RANBP2: variants seen among roughly 807,000 people sequenced by gnomAD.
The protein encoded by RANBP2 is RAN binding protein 2.
RANBP2 carries 57 observed loss-of-function variants against 303.6 expected under a neutral mutation model. The observed-to-expected ratio is 0.19, with a 90% CI of 0.15 to 0.23. The LOEUF (loss-of-function observed/expected upper bound fraction) is 0.23, where lower values mean the gene tolerates loss of function less well. Ranked by LOEUF, RANBP2 falls within the 10% of genes least tolerant of loss-of-function variation. RANBP2 has a pLI of 1.00. For synonymous variants in RANBP2, 1,167 were observed against 1,301.5 expected (o/e 0.90, Z 2.23); for missense variants, 3,138 against 3,780.8 (o/e 0.83, Z 4.46).
chr2:108,825,491 G>T, the RANBP2 span, among the ~76,000 whole-genome samples: 1 of 151,596 alleles, frequency 6.6e-6, no homozygotes, highest in East Asian at 1.9e-4. Flanking sequence ...TCCAGTCCTA[G>T]GCAACCACTA....
the RANBP2 span, among the ~76,000 whole-genome samples, chr2:109,644,267 A>C: frequency 6.6e-6 from 1 of 151,858 alleles, no homozygotes; most frequent in Non-Finnish European, 1.5e-5. Flanking sequence ...ACATCACGCC[A>C]CTGCACTCCA....
chr2:109,206,785 C>T, the RANBP2 span, among the ~76,000 whole-genome samples: 1 of 152,214 alleles, frequency 6.6e-6, no homozygotes, highest in Non-Finnish European at 1.5e-5. Context: ...CACTGCACTC[C>T]AGCCTGGGTG....
the RANBP2 span, among the ~76,000 whole-genome samples, chr2:109,286,514 A>G: frequency 8.6e-4 from 131 of 152,316 alleles, no homozygotes; most frequent in African/African-American, 3.1e-3. Context: ...ACCTGGGTGC[A>G]GAAGACCAAG....
At chr2:109,126,267 T>C in the RANBP2 span, among the ~76,000 whole-genome samples, 2 of 152,142 alleles carry the variant, frequency 1.3e-5, no homozygotes, top group African/African-American at 2.4e-5. Flanking sequence ...AGGGGTAAAG[T>C]GGAGAGAGAA....
the RANBP2 span, among the ~76,000 whole-genome samples, chr2:109,163,367 T>C: frequency 1.3e-5 from 2 of 148,836 alleles, no homozygotes; most frequent in African/African-American, 5.0e-5. Flanking sequence ...GAGTTCTCAA[T>C]AGATTAACCA....
the RANBP2 span, among the ~76,000 whole-genome samples, chr2:109,696,618 G>A: frequency 3.9e-5 from 6 of 152,052 alleles, no homozygotes; most frequent in South Asian, 6.2e-4. Context: ...AACTTGGTTT[G>A]GCTATTTTAG....
the RANBP2 span, among the ~76,000 whole-genome samples, chr2:109,072,946 T>C: frequency 1.3e-5 from 2 of 151,978 alleles, no homozygotes; most frequent in African/African-American, 2.4e-5. Flanking sequence ...CTGACTGGGC[T>C]GTGAGGAGGC....
the RANBP2 span, among the ~76,000 whole-genome samples, chr2:109,697,669 T>A: frequency 6.6e-6 from 1 of 152,192 alleles, no homozygotes; most frequent in African/African-American, 2.4e-5. Context: ...AATCATGCCA[T>A]CTGCAAATTA....
At chr2:109,371,797 A>G in the RANBP2 span, 1 of 846,390 alleles carries the variant, frequency 1.2e-6, no homozygotes, top group Non-Finnish European at 1.9e-6. Context: ...ATCCTCCACA[A>G]TAGCCTCTGG....
the RANBP2 span, among the ~76,000 whole-genome samples, chr2:109,195,505 T>G: frequency 2.0e-5 from 3 of 152,234 alleles, no homozygotes; most frequent in African/African-American, 4.8e-5. Flanking sequence ...GGCTTTATTT[T>G]GGAAACCTAC....
At chr2:108,897,992 G>GA in the RANBP2 span, among the ~76,000 whole-genome samples, 2 of 152,104 alleles carry the variant, frequency 1.3e-5, no homozygotes, top group African/African-American at 4.8e-5. Context: ...ACATGGGGCA[G>GA]AAAAGTCCAA....
At chr2:109,233,297 G>T in the RANBP2 span, among the ~76,000 whole-genome samples, 1 of 152,212 alleles carries the variant, frequency 6.6e-6, no homozygotes, top group African/African-American at 2.4e-5. Context: ...AGTGATGGAG[G>T]TGGCTCTCAG....
chr2:108,727,436 G>C (rs186668233), intron 1 of RANBP2, among the ~76,000 whole-genome samples: 3 of 152,022 alleles, frequency 2.0e-5, no homozygotes, highest in Non-Finnish European at 2.9e-5. Context: ...CATTAAATTT[G>C]TGGGTGGAGG....
the RANBP2 span, among the ~76,000 whole-genome samples, chr2:108,955,842 C>T: frequency 4.1e-4 from 62 of 152,190 alleles, no homozygotes; most frequent in Admixed American, 3.3e-4. Context: ...CTGGCTAACA[C>T]GGCGAAATAC....
chr2:109,130,033 G>C, the RANBP2 span: 3 of 1,352,752 alleles, frequency 2.2e-6, no homozygotes, highest in East Asian at 9.2e-5. Context: ...GGGTTCCCCG[G>C]TTTTCCTCTC....
At chr2:108,897,110 C>T in the RANBP2 span, 31 of 1,613,918 alleles carry the variant, frequency 1.9e-5, no homozygotes, top group Admixed American at 1.3e-4. Context: ...CTCTTCAGGC[C>T]GAAGCTCTCG....
chr2:109,049,849 G>A, the RANBP2 span, among the ~76,000 whole-genome samples: 2 of 152,118 alleles, frequency 1.3e-5, no homozygotes, highest in African/African-American at 4.8e-5. Flanking sequence ...TCCCGTTCGG[G>A]GCTATTCTTC....
chr2:109,659,702 G>A, the RANBP2 span, among the ~76,000 whole-genome samples: 2 of 152,218 alleles, frequency 1.3e-5, no homozygotes, highest in African/African-American at 4.8e-5. Flanking sequence ...TCAGCGGGGG[G>A]CTCCAGATGA....
chr2:109,151,471 T>A, the RANBP2 span, among the ~76,000 whole-genome samples: 1 of 152,252 alleles, frequency 6.6e-6, no homozygotes, highest in Non-Finnish European at 1.5e-5. Context: ...ATATTTAATT[T>A]AAAAATTTCT....
Sources: gnomAD v4.1 joint callset for allele counts (sites outside exome capture counted in the v4.1 genomes callset) on GRCh38, gnomAD v4.1.1 for gene constraint, MANE v1.5 for transcripts, NCBI Gene and HGNC (gene_info 2026-07-23, HGNC 2026-07-21) for gene names.